ZZEF1: variants seen among roughly 807,000 people sequenced by gnomAD.
ZZEF1 encodes zinc finger ZZ-type and EF-hand domain containing 1, also known as zinc finger ZZ-type and EF-hand domain-containing protein 1.
In ZZEF1, 157 loss-of-function variants were observed where a neutral mutation model predicts 342.8. The ratio of observed to expected loss-of-function variants is 0.46; its 90% CI spans 0.40 to 0.52. ZZEF1 has a LOEUF of 0.52. ZZEF1 is among the 20% of genes least tolerant of loss of function. The probability of loss-of-function intolerance (pLI) is 0.00; values close to 1 mark genes in which losing one functional copy is unlikely to be tolerated. For missense variants in ZZEF1, 3,480 were observed against 3,725.6 expected (o/e 0.93, Z 1.72); for synonymous variants, 1,505 against 1,429.1 (o/e 1.05, Z -1.20).
intron 42 of ZZEF1, 27 bp from the exon 43 acceptor site, chr17:4,025,145 GA>G (rs1597776939): frequency 6.2e-7 from 1 of 1,609,586 alleles, no homozygotes; most frequent in East Asian, 2.2e-5. Flanking sequence ...GGCAGAAAAA[GA>G]AAGGCACAAA....
intron 2 of ZZEF1, among the ~76,000 whole-genome samples, chr17:4,118,522 T>G (rs1472923471): frequency 6.6e-6 from 1 of 152,202 alleles, no homozygotes; most frequent in African/African-American, 2.4e-5. Context: ...CTGAGTCATA[T>G]GACCCAAGCG....
intron 42 of ZZEF1, among the ~76,000 whole-genome samples, chr17:4,028,541 T>G (rs2056468029): frequency 7.1e-6 from 1 of 140,404 alleles, no homozygotes; most frequent in South Asian, 2.3e-4. Flanking sequence ...GGAGTAAGAC[T>G]CTGTCTCCAA....
At chr17:4,111,338 A>G (rs865831140) in intron 5 of ZZEF1, among the ~76,000 whole-genome samples, 9 of 152,220 alleles carry the variant, frequency 5.9e-5, no homozygotes, top group Middle Eastern at 3.4e-3. Flanking sequence ...ATATTTTTCT[A>G]ATTTTCCAAT....
rs1191989224 is a variant in ZZEF1 at position 4,028,943 on chromosome 17, TC to T, written c.6892+3182del. 3.9e-5 allele frequency among the ~76,000 whole-genome samples: 6 copies of T among 152,336 alleles called. No homozygotes were observed. The South Asian group carries it at 1.2e-3, about 32-fold the overall frequency. ...AGAGAGGCTGTACGAATATTAGATTTCAGAATGAGGAATATCATTAGGGATA... is the reference window on the plus strand; with the variant it reads ...AGAGAGGCTGTACGAATATTAGATTTAGAATGAGGAATATCATTAGGGATA... On this transcript the variant is annotated intron_variant, in intron 42 of 54. Coordinates refer to ENST00000381638, the MANE Select transcript of ZZEF1 (RefSeq NM_015113.4).
At chr17:4,042,719 T>C (rs2056828436) in intron 38 of ZZEF1, 151 bp from the exon 39 acceptor site, 4 of 853,148 alleles carry the variant, frequency 4.7e-6, no homozygotes, top group Non-Finnish European at 6.8e-6. Context: ...TCTCACTCTG[T>C]TGCCCAGGCT....
intron 1 of ZZEF1, among the ~76,000 whole-genome samples, chr17:4,124,981 T>C (rs2058550901): frequency 6.6e-6 from 1 of 152,214 alleles, no homozygotes; most frequent in African/African-American, 2.4e-5. Context: ...CTTCTTGATC[T>C]GAAAGATGCA....
intron 1 of ZZEF1, among the ~76,000 whole-genome samples, chr17:4,126,171 G>T (rs1406138237): frequency 6.0e-5 from 9 of 149,764 alleles, no homozygotes; most frequent in African/African-American, 2.0e-4. Flanking sequence ...GCTGCAGTGC[G>T]CTGAGATCAC....
intron 33 of ZZEF1, among the ~76,000 whole-genome samples, chr17:4,055,503 C>T (rs935966352): frequency 6.6e-6 from 1 of 152,208 alleles, no homozygotes; most frequent in African/African-American, 2.4e-5. Context: ...CTCTGATGCC[C>T]TCTCTATACA....
chr17:4,050,725 C>CT (rs978673890), intron 36 of ZZEF1, 56 bp downstream of exon 36: 3 of 1,605,766 alleles, frequency 1.9e-6, no homozygotes, highest in African/African-American at 1.3e-5. Context: ...TTTGCCAAGG[C>CT]TTTTTTTCAC....
At chr17:4,137,384 G>A (rs1488553926) in intron 1 of ZZEF1, among the ~76,000 whole-genome samples, 2 of 152,200 alleles carry the variant, frequency 1.3e-5, no homozygotes, top group South Asian at 2.1e-4. Context: ...GCCGAGGTGG[G>A]CGGATCACAA....
At chr17:4,095,807 T>C (rs2058023572) in intron 11 of ZZEF1, 24 bp downstream of exon 11, 2 of 1,588,956 alleles carry the variant, frequency 1.3e-6, no homozygotes, top group Non-Finnish European at 1.7e-6. Flanking sequence ...ATCTTTGTTC[T>C]ACAAAGATTT....
chr17:4,134,781 T>C (rs2058722056), intron 1 of ZZEF1, among the ~76,000 whole-genome samples: 1 of 151,746 alleles, frequency 6.6e-6, no homozygotes, highest in Non-Finnish European at 1.5e-5. Flanking sequence ...CAACAGACAC[T>C]CCAGGGATGA....
intron 1 of ZZEF1, among the ~76,000 whole-genome samples, chr17:4,140,423 A>C (rs2058824724): frequency 6.6e-6 from 1 of 152,108 alleles, no homozygotes; most frequent in African/African-American, 2.4e-5. Context: ...GGTTAAATAC[A>C]CTTGCTATTT....
At chr17:4,030,762 T>C (rs960354294) in intron 42 of ZZEF1, among the ~76,000 whole-genome samples, 4 of 152,208 alleles carry the variant, frequency 2.6e-5, no homozygotes, top group Admixed American at 6.5e-5. Context: ...TAGAAACTGA[T>C]AGAAACTCTT....
intron 42 of ZZEF1, among the ~76,000 whole-genome samples, chr17:4,030,068 G>A (rs1159453331): frequency 6.7e-6 from 1 of 149,328 alleles, no homozygotes; most frequent in Non-Finnish European, 1.5e-5. Context: ...CGGAAAAGCA[G>A]TAACAACACA....
intron 34 of ZZEF1, 66 bp from the exon 35 acceptor site, chr17:4,052,202 C>G: frequency 6.9e-7 from 1 of 1,455,144 alleles, no homozygotes; most frequent in Non-Finnish European, 9.2e-7. Context: ...AGTTTCCAAA[C>G]CCAAACCAAC....
At chr17:4,090,639 C>T in intron 12 of ZZEF1, 80 bp downstream of exon 12, 2 of 1,166,468 alleles carry the variant, frequency 1.7e-6, no homozygotes, top group Admixed American at 3.4e-5. Flanking sequence ...GTAGCATTGG[C>T]ACAGGGCTGA....
chr17:4,138,700 C>T (rs922811838), intron 1 of ZZEF1, among the ~76,000 whole-genome samples: 1 of 152,208 alleles, frequency 6.6e-6, no homozygotes, highest in Non-Finnish European at 1.5e-5. Flanking sequence ...TGAAATTTCA[C>T]TTTAGGGCCA....
intron 1 of ZZEF1, among the ~76,000 whole-genome samples, chr17:4,132,534 T>A (rs1240838940): frequency 6.7e-6 from 1 of 150,188 alleles, no homozygotes; most frequent in African/African-American, 2.4e-5. Flanking sequence ...CCGTCTCTAC[T>A]AAAAATACAA....
Sources: gnomAD v4.1 joint callset for allele counts (sites outside exome capture counted in the v4.1 genomes callset) on GRCh38, gnomAD v4.1.1 for gene constraint, MANE v1.5 for transcripts, NCBI Gene and HGNC (gene_info 2026-07-23, HGNC 2026-07-21) for gene names.